FRMD5: variants seen among roughly 807,000 people sequenced by gnomAD.
FRMD5 encodes FERM domain containing 5.
FRMD5 carries 20 observed loss-of-function variants against 69.0 expected under a neutral mutation model. The observed-to-expected ratio is 0.29, with a 90% CI of 0.20 to 0.42. FRMD5 has a LOEUF of 0.42. Ranked by LOEUF, FRMD5 falls within the 10% of genes least tolerant of loss-of-function variation. The probability of loss-of-function intolerance (pLI) is 1.00; values close to 1 mark genes in which losing one functional copy is unlikely to be tolerated. For missense variants in FRMD5, 595 were observed against 708.6 expected (o/e 0.84, Z 1.82); for synonymous variants, 271 against 260.1 (o/e 1.04, Z -0.40).
In FRMD5 at chr15:43,873,323, TAAAAGTTC is replaced by T; in HGVS notation, c.*554_*561del. ...CATTCTACATGGATGTTTACTTTTT[TAAAAGTTC>T]TGGCTGGCAAAAAAAACAAACAAAA... On this transcript the variant is annotated 3_prime_UTR_variant, in exon 14 of 14. Coordinates refer to ENST00000417257, the MANE Select transcript of FRMD5 (RefSeq NM_032892.5). 1 of 1,502,252 alleles carries T rather than the reference TAAAAGTTC, an allele frequency of 6.7e-7. No homozygotes were observed. Among genetic ancestry groups the T allele is most frequent in the Non-Finnish European group, 8.8e-7 (1 of 1,130,906 alleles). The allele number at this position is 1,502,252 out of a possible 1,614,324, so 93.1% of individuals were successfully genotyped here. A position where few individuals can be genotyped will look rare whatever the true frequency, so the allele number is the denominator to read the frequency against.
chr15:44,129,905 G>C (rs2077075033), intron 1 of FRMD5, among the ~76,000 whole-genome samples: 1 of 152,138 alleles, frequency 6.6e-6, no homozygotes, highest in South Asian at 2.1e-4. Context: ...ATGAGCCCCA[G>C]GCAAAGCACA....
intron 1 of FRMD5, among the ~76,000 whole-genome samples, chr15:44,105,275 C>A (rs538618368): frequency 5.9e-5 from 9 of 152,094 alleles, no homozygotes; most frequent in African/African-American, 2.2e-4. Flanking sequence ...CAGGGTTTTG[C>A]CATGTTGCCT....
chr15:44,121,183 TG>T (rs2076944558), intron 1 of FRMD5, among the ~76,000 whole-genome samples: 1 of 149,798 alleles, frequency 6.7e-6, no homozygotes, highest in East Asian at 2.0e-4. Context: ...CAAAAAGAAG[TG>T]TTTAACAATG....
chr15:44,092,118 T>C (rs1428517020), intron 1 of FRMD5, among the ~76,000 whole-genome samples: 4 of 152,134 alleles, frequency 2.6e-5, no homozygotes, highest in Admixed American at 1.3e-4. Context: ...TTTCTTTTGG[T>C]CGTCACTCTC....
At chr15:43,993,235 C>T (rs560808873) in intron 1 of FRMD5, among the ~76,000 whole-genome samples, 2 of 152,150 alleles carry the variant, frequency 1.3e-5, no homozygotes, top group East Asian at 3.9e-4. Context: ...ATTCTGTTGC[C>T]AGGCTGGAAT....
At chr15:43,883,390 A>G (rs1009093941) in intron 13 of FRMD5, among the ~76,000 whole-genome samples, 2 of 152,266 alleles carry the variant, frequency 1.3e-5, no homozygotes, top group South Asian at 4.1e-4. Flanking sequence ...GAGCCACCGC[A>G]CAGGGCGTGA....
rs529657915 is a variant in FRMD5, at chr15:44,054,397, C to T, written c.103-130088G>A. Among the ~76,000 whole-genome samples the T allele has an allele frequency of 2.0e-5, 3 of 152,220 alleles. 1 individual carries two copies. The highest frequency in any genetic ancestry group is 4.1e-4 in the South Asian group (2 of 4,830). Reference sequence around the variant, plus strand: ...TTTACAACCATAAAAGTCCCAAACCCGCCAGATTTTACTAGAGTCTCTTCA... The same window carrying T: ...TTTACAACCATAAAAGTCCCAAACCTGCCAGATTTTACTAGAGTCTCTTCA... On this transcript the variant is annotated intron_variant, in intron 1 of 13. Coordinates refer to ENST00000417257, the MANE Select transcript of FRMD5 (RefSeq NM_032892.5).
chr15:44,054,913 T>C (rs942635816), intron 1 of FRMD5, among the ~76,000 whole-genome samples: 1 of 151,776 alleles, frequency 6.6e-6, no homozygotes, highest in African/African-American at 2.4e-5. Flanking sequence ...CTACTAAAAA[T>C]ACAAAAATTA....
chr15:43,939,095 C>T (rs1358538042), intron 1 of FRMD5, among the ~76,000 whole-genome samples: 1 of 151,802 alleles, frequency 6.6e-6, no homozygotes, highest in South Asian at 2.1e-4. Flanking sequence ...GGTCTCGAAC[C>T]CCTGACCTCA....
intron 1 of FRMD5, among the ~76,000 whole-genome samples, chr15:44,046,460 T>C (rs1272976804): frequency 6.6e-6 from 1 of 152,216 alleles, no homozygotes. Flanking sequence ...ATACACATTT[T>C]CATTTATGTC....
At chr15:43,946,979 T>C (rs1295144896) in intron 1 of FRMD5, among the ~76,000 whole-genome samples, 1 of 152,228 alleles carries the variant, frequency 6.6e-6, no homozygotes, top group East Asian at 1.9e-4. Context: ...CTTCTCTCAG[T>C]TTACTCATAA....
chr15:44,152,038 CCT>C (rs1370909692), intron 1 of FRMD5, among the ~76,000 whole-genome samples: 3 of 152,066 alleles, frequency 2.0e-5, no homozygotes, highest in South Asian at 2.1e-4. Context: ...GGTAAAATCC[CCT>C]CTCTACTAAA....
intron 1 of FRMD5, among the ~76,000 whole-genome samples, chr15:44,164,544 A>C (rs551491690): frequency 6.6e-6 from 1 of 152,348 alleles, no homozygotes; most frequent in South Asian, 2.1e-4. Context: ...ACAGACAGTA[A>C]ATTTTAAAAC....
intron 1 of FRMD5, among the ~76,000 whole-genome samples, chr15:44,157,850 A>C (rs2077552250): frequency 6.6e-6 from 1 of 152,178 alleles, no homozygotes; most frequent in Admixed American, 6.5e-5. Flanking sequence ...CAAACTTAAA[A>C]AAAAAGAAAC....
At chr15:44,028,803 G>A (rs1346734265) in intron 1 of FRMD5, among the ~76,000 whole-genome samples, 2 of 152,144 alleles carry the variant, frequency 1.3e-5, no homozygotes, top group Admixed American at 1.3e-4. Flanking sequence ...CTGAGACCAG[G>A]AGACACCTAT....
In FRMD5 at chr15:43,898,782, G is replaced by A. The variant is rs568049137; in HGVS notation, c.639+3393C>T. ...TGCTGGGGCTCCCGCCAGGAGTTGA[G>A]GGCTGAGGGTCAAGGCAGAAAATGC... On this transcript the variant is annotated intron_variant, in intron 7 of 13. Coordinates refer to ENST00000417257, the MANE Select transcript of FRMD5 (RefSeq NM_032892.5). Among the ~76,000 whole-genome samples, 105 of 152,330 alleles carry A rather than the reference G, an allele frequency of 6.9e-4. 1 individual carries two copies. The highest frequency in any genetic ancestry group is 1.2e-3 in the East Asian group (6 of 5,186).
chr15:44,003,730 C>T (rs944766365), intron 1 of FRMD5, among the ~76,000 whole-genome samples: 2 of 152,222 alleles, frequency 1.3e-5, no homozygotes, highest in African/African-American at 4.8e-5. Flanking sequence ...ATTACAACCA[C>T]CCATCCAACT....
chr15:43,962,954 T>G (rs1177225952), intron 1 of FRMD5, among the ~76,000 whole-genome samples: 4 of 152,166 alleles, frequency 2.6e-5, no homozygotes, highest in Non-Finnish European at 4.4e-5. Context: ...ATAAAAACCC[T>G]AGAAGAAAAC....
chr15:44,170,314 G>A (rs535505418), intron 1 of FRMD5, among the ~76,000 whole-genome samples: 4 of 152,258 alleles, frequency 2.6e-5, no homozygotes, highest in East Asian at 1.9e-4. Flanking sequence ...CCTGAGGTCG[G>A]CAGTTCGAGA....
Sources: gnomAD v4.1 joint callset for allele counts (sites outside exome capture counted in the v4.1 genomes callset) on GRCh38, gnomAD v4.1.1 for gene constraint, MANE v1.5 for transcripts, NCBI Gene and HGNC (gene_info 2026-07-23, HGNC 2026-07-21) for gene names.